The following PSMA8 variants were observed in gnomAD, a reference collection of about 807,000 sequenced individuals.
The protein encoded by PSMA8 is proteasome subunit alpha-type 8.
In PSMA8, 18 loss-of-function variants were observed where a neutral mutation model predicts 32.4. That is an observed-to-expected ratio of 0.56 (90% CI 0.38 to 0.82). PSMA8 has a LOEUF of 0.82. PSMA8 is among the 40% of genes least tolerant of loss of function. The pLI is 0.00. For missense variants in PSMA8, 298 were observed against 300.7 expected (o/e 0.99, Z 0.07); for synonymous variants, 104 against 98.1 (o/e 1.06, Z -0.36).
chr18:26,144,747 C>T, intron 2 of PSMA8, 62 bp downstream of exon 2: 1 of 1,480,774 alleles, frequency 6.8e-7, no homozygotes, highest in Non-Finnish European at 9.4e-7. Flanking sequence ...ACACAGTTAA[C>T]CTCAGTGCTG....
At chr18:26,177,792 A>G (rs554765120) in intron 4 of PSMA8, among the ~76,000 whole-genome samples, 3 of 152,344 alleles carry the variant, frequency 2.0e-5, no homozygotes, top group African/African-American at 7.2e-5. Flanking sequence ...GCTCAGCCCA[A>G]CTTAGGTAAA....
chr18:26,161,312 A>G (rs1434302263), intron 4 of PSMA8, among the ~76,000 whole-genome samples: 1 of 152,228 alleles, frequency 6.6e-6, no homozygotes, highest in African/African-American at 2.4e-5. Context: ...ATTTGTAGGC[A>G]TGTGAAAAAT....
At chr18:26,151,796 GA>G (rs1311944049) in intron 2 of PSMA8, 61 bp from the exon 3 acceptor site, 5 of 1,494,750 alleles carry the variant, frequency 3.3e-6, no homozygotes, top group Admixed American at 2.2e-5. Context: ...ATTTGACAAG[GA>G]AAAATGTATT....
chr18:26,183,115 G>A (rs1049546874), intron 6 of PSMA8, among the ~76,000 whole-genome samples: 2 of 149,684 alleles, frequency 1.3e-5, no homozygotes, highest in Admixed American at 6.7e-5. Context: ...AAAAAGGCCG[G>A]GCGTGGTGGC....
intron 3 of PSMA8, among the ~76,000 whole-genome samples, chr18:26,155,167 G>A (rs111640099): frequency 0.015 from 2,232 of 152,038 alleles, 23 homozygotes; most frequent in Non-Finnish European, 0.018. Context: ...CCCAGGAGAC[G>A]GAGGTTGCAG....
chr18:26,181,336 A>G (rs1448814898), intron 6 of PSMA8, among the ~76,000 whole-genome samples: 1 of 152,178 alleles, frequency 6.6e-6, no homozygotes, highest in Non-Finnish European at 1.5e-5. Flanking sequence ...TAATCAATAA[A>G]TGTTGCATGT....
chr18:26,187,532 G>A (rs769024476), intron 6 of PSMA8, among the ~76,000 whole-genome samples: 6 of 151,578 alleles, frequency 4.0e-5, no homozygotes, highest in African/African-American at 1.2e-4. Context: ...TGTTGACTAC[G>A]AAAAACATAC....
At chr18:26,161,491 A>T (rs2055134948) in intron 4 of PSMA8, among the ~76,000 whole-genome samples, 1 of 152,192 alleles carries the variant, frequency 6.6e-6, no homozygotes, top group African/African-American at 2.4e-5. Flanking sequence ...AAACCAATGA[A>T]TCTCATGAAC....
chr18:26,182,237 G>C (rs1568070688), intron 6 of PSMA8, among the ~76,000 whole-genome samples: 1 of 152,218 alleles, frequency 6.6e-6, no homozygotes, highest in African/African-American at 2.4e-5. Flanking sequence ...TTTATCTTCA[G>C]TGAAGGTGGT....
At chr18:26,139,868 T>C (rs2054940799) in intron 1 of PSMA8, among the ~76,000 whole-genome samples, 1 of 152,226 alleles carries the variant, frequency 6.6e-6, no homozygotes, top group South Asian at 2.1e-4. Flanking sequence ...TAAAAGAGAC[T>C]AACATAGGTT....
chr18:26,184,902 C>T (rs2055340781), intron 6 of PSMA8, among the ~76,000 whole-genome samples: 1 of 148,994 alleles, frequency 6.7e-6, no homozygotes, highest in African/African-American at 2.5e-5. Context: ...GCCTAGCCAT[C>T]ATGGTAAAAC....
rs74932017 is a variant in PSMA8, at chr18:26,166,278, C to G, written c.477+8034C>G. Among the ~76,000 whole-genome samples the G allele has an allele frequency of 3.4e-3, 523 of 152,236 alleles. 3 individuals are homozygous for G. Among genetic ancestry groups the G allele is most frequent in the African/African-American group, 0.012 (500 of 41,538 alleles). The stretch of plus-strand genomic sequence containing the variant: ...ATTTCAAAATGTGATCTGCAAATCC[C>G]TGACCCATTAGGTAAAAACTATTTT... On this transcript the variant is annotated intron_variant, in intron 4 of 6. Coordinates refer to ENST00000415576, the MANE Select transcript of PSMA8 (RefSeq NM_001025096.2).
chr18:26,171,188 T>A (rs1291781275), intron 4 of PSMA8: 3 of 1,559,386 alleles, frequency 1.9e-6, no homozygotes, highest in Non-Finnish European at 2.6e-6. Flanking sequence ...TCTGGAAATA[T>A]CTGAATTCAT....
chr18:26,144,648 T>G lies in PSMA8; in HGVS notation c.192T>G (p.Ile64Met), dbSNP rs2054987640. The G allele has an allele frequency of 6.2e-7, 1 of 1,613,842 alleles. No individual in the cohort carries two copies. Among genetic ancestry groups the G allele is most frequent in the Non-Finnish European group, 8.5e-7 (1 of 1,179,928 alleles). Residue 64 changes from isoleucine to methionine, a missense_variant, in exon 2 of 7, where the codon ATT becomes ATG. Ile to Met is a conservative substitution (Grantham distance 10, BLOSUM62 1). Transcript: ENST00000415576. Reference sequence around the variant, plus strand: ...AAGATGAAAGAACTGTGAGGAAAATTTGTGCCCTTGATGACCATGTCTGCA... The same window carrying G: ...AAGATGAAAGAACTGTGAGGAAAATGTGTGCCCTTGATGACCATGTCTGCA... ...KLQDERTVRK[I>M]CALDDHVCMA... is the part of the protein sequence containing the mutation.
intron 4 of PSMA8, chr18:26,171,281 A>G (rs896481906): frequency 5.3e-6 from 8 of 1,521,184 alleles, no homozygotes; most frequent in African/African-American, 7.5e-5. Context: ...TTAGCGAACC[A>G]ACCATGACAG....
chr18:26,148,811 G>T (rs887544903), intron 2 of PSMA8, among the ~76,000 whole-genome samples: 10 of 152,142 alleles, frequency 6.6e-5, no homozygotes, highest in Non-Finnish European at 1.5e-4. Flanking sequence ...GAGCAAAGTT[G>T]TAGGACACAA....
Position 26,179,877 on chromosome 18 carries a change from G to T in PSMA8, c.660+747G>T, listed in dbSNP as rs1364372798. 3.3e-5 allele frequency among the ~76,000 whole-genome samples: 5 copies of T among 151,124 alleles called. No individual in the cohort carries two copies. In the Admixed American group the frequency reaches 3.3e-4, roughly 10 times the overall value. ...AGGTGGGAGGATCACTTGAGGTCAG[G>T]AGTTCAAGACCAGCCTTGGCAAGGT... On this transcript the variant is annotated intron_variant, in intron 6 of 6. Coordinates refer to ENST00000415576, the MANE Select transcript of PSMA8 (RefSeq NM_001025096.2).
Position 26,151,912 on chromosome 18 carries a change from G to C in PSMA8, c.284G>C (p.Ser95Thr), listed in dbSNP as rs1328572838. The change falls in exon 3 of 7, where the codon AGC becomes ACC. Residue 95 changes from serine to threonine, a missense_variant. Coordinates refer to ENST00000415576, the MANE Select transcript of PSMA8 (RefSeq NM_001025096.2). The stretch of plus-strand genomic sequence containing the variant: ...AACAGAGCCCGTGTGGAGTGCCAGA[G>C]CCATAAGCTTACGGTTGAGGACCCA... ...VINRARVECQSHKLTVEDPVT... is the reference protein window; with the variant it reads ...VINRARVECQTHKLTVEDPVT... 1 of 1,612,698 alleles carries C rather than the reference G, an allele frequency of 6.2e-7. No homozygotes were observed. Among genetic ancestry groups the C allele is most frequent in the East Asian group, 2.2e-5 (1 of 44,796 alleles).
intron 6 of PSMA8, among the ~76,000 whole-genome samples, chr18:26,184,915 T>C (rs961574236): frequency 3.4e-5 from 5 of 148,900 alleles, no homozygotes; most frequent in African/African-American, 1.2e-4. Flanking sequence ...GGTAAAACCC[T>C]ATCTCTACTA....
Sources: gnomAD v4.1 joint callset for allele counts (sites outside exome capture counted in the v4.1 genomes callset) on GRCh38, gnomAD v4.1.1 for gene constraint, MANE v1.5 for transcripts, NCBI Gene and HGNC (gene_info 2026-07-23, HGNC 2026-07-21) for gene names.